GON4L: variants seen among roughly 807,000 people sequenced by gnomAD.
GON4L encodes the protein gon-4 like.
Under a neutral mutation model 211.8 loss-of-function variants are expected in GON4L, and 87 were observed. The ratio of observed to expected loss-of-function variants is 0.41; its 90% CI spans 0.35 to 0.49. The LOEUF (loss-of-function observed/expected upper bound fraction) is 0.49, where lower values mean the gene tolerates loss of function less well. Ranked by LOEUF, GON4L falls within the 20% of genes least tolerant of loss-of-function variation. GON4L has a pLI of 0.15. For synonymous variants in GON4L, 875 were observed against 962.6 expected (o/e 0.91, Z 1.68); for missense variants, 2,155 against 2,659.5 (o/e 0.81, Z 4.17).
intron 27 of GON4L, among the ~76,000 whole-genome samples, chr1:155,754,869 A>G (rs1047100351): frequency 2.0e-5 from 3 of 147,658 alleles, no homozygotes; most frequent in Admixed American, 6.8e-5. Context: ...GTTGTGAGCC[A>G]TATGAACACA....
chr1:155,825,321 C>T (rs1041847535), intron 3 of GON4L, among the ~76,000 whole-genome samples: 3 of 151,952 alleles, frequency 2.0e-5, no homozygotes, highest in African/African-American at 7.3e-5. Flanking sequence ...GCCTGTAATC[C>T]TAGCACCTTG....
downstream of GON4L, among the ~76,000 whole-genome samples, chr1:155,749,123 A>T (rs1161184073): frequency 6.6e-6 from 1 of 152,132 alleles, no homozygotes. Context: ...ATGGTGGCAC[A>T]TGCCTGCAAT....
intron 14 of GON4L, among the ~76,000 whole-genome samples, chr1:155,779,206 A>G (rs1344304933): frequency 7.0e-6 from 1 of 142,930 alleles, no homozygotes; most frequent in African/African-American, 2.6e-5. Context: ...GTGAGCCGAG[A>G]TCCCGCCACT....
At position 155,853,197 on chromosome 1, in the gene GON4L, A is replaced by G. The variant is rs1021818965; in HGVS notation, c.505+79T>C. 10 of 1,158,558 alleles carry G rather than the reference A, an allele frequency of 8.6e-6. No homozygotes were observed. The African/African-American group carries it at 1.4e-4, about 16-fold the overall frequency. The allele number at this position is 1,158,558 out of a possible 1,614,324, so 71.8% of individuals were successfully genotyped here. A position where few individuals can be genotyped will look rare whatever the true frequency, so the allele number is the denominator to read the frequency against. ...ATCAATATCCCCTTTCAGAAATACTACTCTGTAAAGGTATCCAGAAATAGC... is the reference window on the plus strand; with the variant it reads ...ATCAATATCCCCTTTCAGAAATACTGCTCTGTAAAGGTATCCAGAAATAGC... On this transcript the variant is annotated intron_variant, in intron 2 of 31. Transcript: ENST00000368331.
chr1:155,835,463 TA>T (rs113957550), intron 2 of GON4L, among the ~76,000 whole-genome samples: 11,437 of 139,118 alleles, frequency 0.082, 524 homozygotes, highest in African/African-American at 0.14. Flanking sequence ...AATGATCAAT[TA>T]AAAAAAAAAA....
chr1:155,829,787 A>G (rs533930622), intron 2 of GON4L, among the ~76,000 whole-genome samples: 4 of 152,110 alleles, frequency 2.6e-5, no homozygotes, highest in Middle Eastern at 3.2e-3. Context: ...CAGCATATCT[A>G]TAAAGGAAGG....
chr1:155,810,523 C>T (rs35698157), intron 10 of GON4L, among the ~76,000 whole-genome samples: 45,206 of 150,298 alleles, frequency 0.3, 7,267 homozygotes, highest in East Asian at 0.7. Flanking sequence ...CTGGCTAACA[C>T]AGTGAAACCC....
chr1:155,793,059 C>T (rs1315429655), intron 12 of GON4L, among the ~76,000 whole-genome samples: 1 of 152,180 alleles, frequency 6.6e-6, no homozygotes, highest in African/African-American at 2.4e-5. Flanking sequence ...CCATGAGCCA[C>T]TGTGCCCCAG....
intron 12 of GON4L, among the ~76,000 whole-genome samples, chr1:155,792,585 T>C (rs1665706114): frequency 6.6e-6 from 1 of 152,080 alleles, no homozygotes; most frequent in East Asian, 1.9e-4. Flanking sequence ...AGCAAGAAGA[T>C]CAATCCTAAC....
chr1:155,767,139 A>C (rs913792145), intron 20 of GON4L: 7 of 707,458 alleles, frequency 9.9e-6, no homozygotes, highest in African/African-American at 9.0e-5. Flanking sequence ...CTTTCCAAGA[A>C]GGGTCTCTCT....
In GON4L at chr1:155,821,614, C is replaced by T; in HGVS notation, c.889-66G>A. 3 of 895,210 alleles carry T rather than the reference C, an allele frequency of 3.4e-6. No homozygotes were observed. In the South Asian group the frequency reaches 3.9e-5, roughly 12 times the overall value. 55.5% of individuals were successfully genotyped at this position (895,210 alleles called of 1,614,324 possible). On this transcript the variant is annotated intron_variant, in intron 4 of 31. Transcript: ENST00000368331. ...GTCACCTAGACAATACTCATCTCTC[C>T]ATGTAACTGTCAGACCTATGTACAG...
At chr1:155,835,081 G>A (rs1282150014) in intron 2 of GON4L, among the ~76,000 whole-genome samples, 2 of 152,328 alleles carry the variant, frequency 1.3e-5, no homozygotes, top group East Asian at 3.9e-4. Context: ...TGGTTGCCGT[G>A]TCTGTGTAGA....
chr1:155,772,763 CATAAA>C (rs1302608344), intron 18 of GON4L, among the ~76,000 whole-genome samples: 2 of 151,556 alleles, frequency 1.3e-5, no homozygotes, highest in Non-Finnish European at 2.9e-5. Context: ...AAATAAATAA[CATAAA>C]ATAAAATAAA....
Position 155,760,657 on chromosome 1 carries a change from T to G in GON4L, c.4912-16A>C, listed in dbSNP as rs1198930202. ...CTTCTCGCACCTACACGGGAAGACT[T>G]TCAATCATCAACACCCTTTATTTGG... On this transcript the variant is annotated splice_polypyrimidine_tract_variant and intron_variant, in intron 23 of 31. Transcript: ENST00000368331. 6.4e-7 allele frequency: 1 copy of G among 1,570,176 alleles called. No individual in the cohort carries two copies. The highest frequency in any genetic ancestry group is 1.7e-5 in the Admixed American group (1 of 59,938).
intron 2 of GON4L, among the ~76,000 whole-genome samples, chr1:155,847,480 G>T (rs1671355475): frequency 6.6e-6 from 1 of 152,102 alleles, no homozygotes; most frequent in South Asian, 2.1e-4. Context: ...GAGGAGGGCA[G>T]ATCATGAGGT....
intron 2 of GON4L, among the ~76,000 whole-genome samples, chr1:155,844,048 A>G (rs1671012141): frequency 6.6e-6 from 1 of 152,164 alleles, no homozygotes; most frequent in African/African-American, 2.4e-5. Context: ...TCCATTCATA[A>G]CCCCATAAAA....
At chr1:155,843,024 A>G (rs1340885691) in intron 2 of GON4L, among the ~76,000 whole-genome samples, 5 of 152,020 alleles carry the variant, frequency 3.3e-5, no homozygotes, top group African/African-American at 1.2e-4. Flanking sequence ...CTACAGGCAC[A>G]AGAGGAGGAC....
Position 155,795,237 on chromosome 1 carries a change from A to AT in GON4L, c.1646-87dup, listed in dbSNP as rs1557870577. ...TTCCAATAAAGCACATTTATTCTTTATTTTTTTGAGACAGGGTCTCACTCT... is the reference window on the plus strand; with the variant it reads ...TTCCAATAAAGCACATTTATTCTTTATTTTTTTTGAGACAGGGTCTCACTCT... On this transcript the variant is annotated intron_variant, in intron 11 of 31. Transcript: ENST00000368331. The AT allele has an allele frequency of 3.5e-6, 3 of 849,942 alleles. No individual in the cohort carries two copies. The Admixed American group carries it at 5.4e-5, about 15-fold the overall frequency. 52.7% of individuals were successfully genotyped at this position (849,942 alleles called of 1,614,324 possible). A position where few individuals can be genotyped will look rare whatever the true frequency, so the allele number is the denominator to read the frequency against.
At chr1:155,790,906 G>T (rs546808695) in intron 12 of GON4L, among the ~76,000 whole-genome samples, 1 of 147,452 alleles carries the variant, frequency 6.8e-6, no homozygotes, top group East Asian at 2.1e-4. Context: ...ATGGCGCCAC[G>T]GCACTCCAGC....
Sources: allele counts gnomAD v4.1 joint callset (sites outside exome capture counted in the v4.1 genomes callset), GRCh38; gene constraint gnomAD v4.1.1; transcripts MANE v1.5; gene names NCBI Gene and HGNC (gene_info 2026-07-23, HGNC 2026-07-21).